The following GPC3 variants were observed in gnomAD, a reference collection of about 807,000 sequenced individuals.
The protein encoded by GPC3 is glypican 3.
In GPC3, 3 loss-of-function variants were observed where a neutral mutation model predicts 34.4. The ratio of observed to expected loss-of-function variants is 0.09; its 90% CI spans 0.04 to 0.23. The LOEUF (loss-of-function observed/expected upper bound fraction) is 0.23, where lower values mean the gene tolerates loss of function less well. Ranked by LOEUF, GPC3 falls within the 10% of genes least tolerant of loss-of-function variation. The pLI is 1.00. For missense variants in GPC3, 351 were observed against 445.6 expected, an observed-to-expected ratio of 0.79 and a Z score of 1.91; for synonymous variants, 177 against 174.0, an observed-to-expected ratio of 1.02 and a Z score of -0.13.
intron 3 of GPC3, among the ~76,000 whole-genome samples, chrX:133,742,978 AC>A (rs771672255): frequency 9.8e-5 from 11 of 111,720 alleles, no homozygotes; most frequent in African/African-American, 1.3e-4. Flanking sequence ...CCCTCCCCTC[AC>A]CCCCCGTATG....
intron 5 of GPC3, among the ~76,000 whole-genome samples, chrX:133,669,519 C>T (rs980599517): frequency 1.8e-5 from 2 of 112,140 alleles, no homozygotes; most frequent in Non-Finnish European, 3.8e-5. Flanking sequence ...ACGTGGTTCA[C>T]GACAGGCCTT....
chrX:133,593,657 A>C (rs1316274637), intron 7 of GPC3, among the ~76,000 whole-genome samples: 1 of 111,307 alleles, frequency 9.0e-6, no homozygotes, highest in Non-Finnish European at 1.9e-5. Flanking sequence ...ATTTGATGGA[A>C]TCTTCTGCCT....
chrX:133,647,397 G>A (rs1198578261), intron 6 of GPC3, among the ~76,000 whole-genome samples: 1 of 112,385 alleles, frequency 8.9e-6, no homozygotes, highest in Non-Finnish European at 1.9e-5. Context: ...AAGGTGGAGA[G>A]AAGAGGCACT....
intron 2 of GPC3, among the ~76,000 whole-genome samples, chrX:133,896,843 C>G (rs2076115864): frequency 1.8e-5 from 2 of 110,181 alleles, no homozygotes; most frequent in Non-Finnish European, 3.8e-5. Flanking sequence ...CACCTAGTAC[C>G]TACAGGATTC....
At chrX:133,608,435 T>C (rs2070071958) in intron 6 of GPC3, among the ~76,000 whole-genome samples, 1 of 112,403 alleles carries the variant, frequency 8.9e-6, no homozygotes, top group Non-Finnish European at 1.9e-5. Flanking sequence ...GCAAGGGTCC[T>C]GGGGTGAGAG....
intron 7 of GPC3, among the ~76,000 whole-genome samples, chrX:133,571,317 G>C (rs1485202816): frequency 8.9e-6 from 1 of 111,927 alleles, no homozygotes; most frequent in African/African-American, 3.2e-5. Flanking sequence ...CAGCCATTGT[G>C]CTCTGCGCAT....
chrX:133,853,846 T>C (rs1479491373), intron 2 of GPC3, among the ~76,000 whole-genome samples: 1 of 111,842 alleles, frequency 8.9e-6, no homozygotes, highest in African/African-American at 3.2e-5. Flanking sequence ...GTGTAGGGGA[T>C]AGGAGTAGGA....
At chrX:133,604,008 G>A (rs1271483623) in intron 6 of GPC3, among the ~76,000 whole-genome samples, 2 of 111,316 alleles carry the variant, frequency 1.8e-5, no homozygotes, top group East Asian at 2.8e-4. Flanking sequence ...TGTCTTGATT[G>A]CAAAGATATG....
rs751461045 is a variant in GPC3, at chrX:133,787,274, G to A, written c.338-33098C>T. On this transcript the variant is annotated intron_variant, in intron 2 of 7. Transcript: ENST00000370818. ...TGACACAATTGTTTATCATTCACCT[G>A]ATATTGGAAGGTATATTTTTTTCCC... Among the ~76,000 whole-genome samples, 6 of 112,090 alleles carry A rather than the reference G, an allele frequency of 5.4e-5. No individual in the cohort carries two copies. In the East Asian group the frequency reaches 1.7e-3, roughly 32 times the overall value.
At chrX:133,786,382 C>A (rs917059093) in intron 2 of GPC3, among the ~76,000 whole-genome samples, 1 of 111,901 alleles carries the variant, frequency 8.9e-6, no homozygotes, top group East Asian at 2.8e-4. Context: ...GTGACAAGAG[C>A]GAAACTCTGC....
intron 2 of GPC3, among the ~76,000 whole-genome samples, chrX:133,853,267 T>G (rs1281659314): frequency 5.4e-5 from 6 of 111,651 alleles, no homozygotes; most frequent in African/African-American, 2.0e-4. Flanking sequence ...AAGCATATGG[T>G]TAACACTAAT....
chrX:133,567,940 T>A (rs1225689336), intron 7 of GPC3, among the ~76,000 whole-genome samples: 2 of 112,037 alleles, frequency 1.8e-5, no homozygotes, highest in African/African-American at 6.5e-5. Flanking sequence ...AAAGAGGAAG[T>A]CATATTTTGG....
intron 2 of GPC3, among the ~76,000 whole-genome samples, chrX:133,929,318 T>C (rs1001325845): frequency 8.9e-6 from 1 of 112,501 alleles, no homozygotes; most frequent in Non-Finnish European, 1.9e-5. Context: ...AGTTCTGTAT[T>C]GTTTCTTTCT....
intron 2 of GPC3, among the ~76,000 whole-genome samples, chrX:133,919,165 C>T (rs998089140): frequency 9.0e-6 from 1 of 110,562 alleles, no homozygotes; most frequent in African/African-American, 3.3e-5. Flanking sequence ...TTCAGCTGTT[C>T]GTCCTGTTTA....
chrX:133,841,806 T>A (rs995848172), intron 2 of GPC3, among the ~76,000 whole-genome samples: 29 of 111,685 alleles, frequency 2.6e-4, no homozygotes, highest in African/African-American at 9.5e-4. Flanking sequence ...GTAGGCACAA[T>A]CTAATCAGCT....
At chrX:133,695,355 C>T (rs1023374624) in intron 4 of GPC3, among the ~76,000 whole-genome samples, 2 of 112,073 alleles carry the variant, frequency 1.8e-5, no homozygotes, top group African/African-American at 6.5e-5. Context: ...TTGCATAACT[C>T]TGTGGATATA....
intron 2 of GPC3, among the ~76,000 whole-genome samples, chrX:133,780,447 A>G (rs929373725): frequency 1.8e-5 from 2 of 111,160 alleles, no homozygotes; most frequent in Admixed American, 1.9e-4. Context: ...CTCATTTTAA[A>G]TGTTTTCCTG....
At chrX:133,897,358 C>T (rs1462536988) in intron 2 of GPC3, among the ~76,000 whole-genome samples, 3 of 108,857 alleles carry the variant, frequency 2.8e-5, no homozygotes, top group Non-Finnish European at 5.7e-5. Flanking sequence ...CCTCTTTGTG[C>T]ACCTTTTAAT....
intron 6 of GPC3, among the ~76,000 whole-genome samples, chrX:133,619,473 G>A (rs758015704): frequency 8.9e-6 from 1 of 111,781 alleles, no homozygotes; most frequent in African/African-American, 3.2e-5. Context: ...ATAATATATT[G>A]TTTCTATACA....
Sources: gnomAD v4.1 joint callset for allele counts (sites outside exome capture counted in the v4.1 genomes callset) on GRCh38, gnomAD v4.1.1 for gene constraint, MANE v1.5 for transcripts, NCBI Gene and HGNC (gene_info 2026-07-23, HGNC 2026-07-21) for gene names.